The following CCDC102B variants were observed in gnomAD, a reference collection of about 807,000 sequenced individuals.
The protein encoded by CCDC102B is coiled-coil domain containing 102B.
In CCDC102B, 75 loss-of-function variants were observed where a neutral mutation model predicts 57.4. The ratio of observed to expected loss-of-function variants is 1.31; its 90% CI spans 1.08 to 1.58. CCDC102B has a LOEUF of 1.58. Among genes scored for constraint, CCDC102B ranks in the 40% most tolerant of loss-of-function variants. CCDC102B has a pLI of 0.00. For missense variants in CCDC102B, 636 were observed against 582.6 expected, an observed-to-expected ratio of 1.09 and a Z score of -0.94; for synonymous variants, 206 against 201.9, an observed-to-expected ratio of 1.02 and a Z score of -0.17.
chr18:69,002,556 G>T (rs1029271125), intron 6 of CCDC102B, among the ~76,000 whole-genome samples: 2 of 152,122 alleles, frequency 1.3e-5, no homozygotes, highest in Admixed American at 1.3e-4. Flanking sequence ...CAACCATGAA[G>T]TCACTCTAAC....
intron 4 of CCDC102B, among the ~76,000 whole-genome samples, chr18:68,858,361 G>A (rs2038579068): frequency 6.6e-6 from 1 of 152,076 alleles, no homozygotes; most frequent in South Asian, 2.1e-4. Flanking sequence ...TGATTGTAAT[G>A]TACATTTACA....
chr18:68,805,179 G>T (rs550356305), intron 1 of CCDC102B, among the ~76,000 whole-genome samples: 28 of 152,110 alleles, frequency 1.8e-4, no homozygotes, highest in Non-Finnish European at 1.3e-4. Flanking sequence ...AAAAACCCCC[G>T]CAATCTCAAC....
intron 2 of CCDC102B, among the ~76,000 whole-genome samples, chr18:68,728,461 C>T (rs1279484166): frequency 6.6e-6 from 1 of 152,166 alleles, no homozygotes; most frequent in Non-Finnish European, 1.5e-5. Flanking sequence ...GTTTTGTCCT[C>T]CTAGTTAAAT....
chr18:68,820,493 CATTAAGTCCTGGT>C (rs1415304749), intron 1 of CCDC102B, among the ~76,000 whole-genome samples: 1 of 152,016 alleles, frequency 6.6e-6, no homozygotes, highest in African/African-American at 2.4e-5. Context: ...AGAGATTTGC[CATTAAGTCCTGGT>C]AAGGTCTTGT....
rs138943300 is a variant in CCDC102B at position 68,737,670 on chromosome 18, A to T, written c.-67+21076A>T. Among the ~76,000 whole-genome samples the T allele has an allele frequency of 5.9e-3, 899 of 152,292 alleles. 11 individuals are homozygous for T. The highest frequency in any genetic ancestry group is 0.021 in the African/African-American group (856 of 41,546). ...CTAGTAACAAAAGACATCCTGGTAG[A>T]TCACCAGAGTGCAAGATATCTTCTG... On this transcript the variant is annotated intron_variant, in intron 2 of 3. Transcript: ENST00000578970.
chr18:68,862,341 A>T (rs192589774), intron 4 of CCDC102B, among the ~76,000 whole-genome samples: 1 of 152,278 alleles, frequency 6.6e-6, no homozygotes. Flanking sequence ...AAAATGTGTA[A>T]CCTTGGATTG....
At chr18:68,875,152 T>G (rs2039393431) in intron 5 of CCDC102B, among the ~76,000 whole-genome samples, 2 of 152,166 alleles carry the variant, frequency 1.3e-5, no homozygotes, top group Non-Finnish European at 2.9e-5. Flanking sequence ...TCTGGTGGAA[T>G]TAACATTGCT....
chr18:68,760,185 G>T (rs1158305196), intron 2 of CCDC102B, among the ~76,000 whole-genome samples: 2 of 152,034 alleles, frequency 1.3e-5, no homozygotes, highest in Non-Finnish European at 2.9e-5. Flanking sequence ...CTGTTTACAT[G>T]AATTACCTTC....
chr18:69,054,861 A>G lies in CCDC102B; in HGVS notation c.*724A>G. ...CATTGCAAAGTAGCATCTAGGTAGA[A>G]ATCAGGCCAAAATTAAGCTGTGGTT... On this transcript the variant is annotated 3_prime_UTR_variant, in exon 8 of 8. Transcript: ENST00000360242. The G allele has an allele frequency of 1.0e-6, 1 of 985,362 alleles. No homozygotes were observed. The highest frequency in any genetic ancestry group is 1.2e-6 in the Non-Finnish European group (1 of 829,904). 61.0% of individuals were successfully genotyped at this position (985,362 alleles called of 1,614,324 possible).
intron 6 of CCDC102B, among the ~76,000 whole-genome samples, chr18:68,917,599 C>T (rs189347959): frequency 1.8e-3 from 276 of 152,256 alleles, no homozygotes; most frequent in Non-Finnish European, 3.2e-3. Flanking sequence ...TTGTATTAAT[C>T]GCTGTGTCCA....
intron 2 of CCDC102B, among the ~76,000 whole-genome samples, chr18:68,749,600 T>A (rs1383921437): frequency 1.3e-5 from 2 of 152,210 alleles, no homozygotes; most frequent in East Asian, 3.9e-4. Flanking sequence ...TGTATAAGAA[T>A]GCTTGTGATT....
rs543441401 is a variant in CCDC102B, at chr18:69,031,426, T to A, written c.1434+20322T>A. ...GTATTATTCCTTGTGTTCTCCTTAC[T>A]TACAAGGCACCTTCCTGGAGACCTT... On this transcript the variant is annotated intron_variant, in intron 7 of 7. Transcript: ENST00000360242. Among the ~76,000 whole-genome samples, 11 of 151,960 alleles carry A rather than the reference T, an allele frequency of 7.2e-5. No individual in the cohort carries two copies. The South Asian group carries it at 2.3e-3, about 32-fold the overall frequency.
rs113986161 is a variant in CCDC102B, at chr18:68,732,348, TC to T, written c.-67+15755del. ...ATTTCTTGAAGGCCTTCTTTTTTTT[TC>T]TCTCTCTCTTTTTTGGGATGGAGTG... On this transcript the variant is annotated intron_variant, in intron 2 of 3. Transcript: ENST00000578970. Among the ~76,000 whole-genome samples the T allele has an allele frequency of 9.8e-3, 1,462 of 148,798 alleles. 6 individuals are homozygous for T. The highest frequency in any genetic ancestry group is 0.014 in the Middle Eastern group (4 of 286).
chr18:68,875,229 G>T (rs539228745), intron 5 of CCDC102B, among the ~76,000 whole-genome samples: 2 of 152,002 alleles, frequency 1.3e-5, no homozygotes, highest in Non-Finnish European at 2.9e-5. Context: ...CATTTCTTAG[G>T]TACACCAAGT....
intron 3 of CCDC102B, 135 bp downstream of exon 3, chr18:68,839,061 T>C: frequency 1.3e-6 from 1 of 741,944 alleles, no homozygotes; most frequent in Non-Finnish European, 2.3e-6. Flanking sequence ...TTAAAGAAAT[T>C]AGTTTGATAT....
intron 6 of CCDC102B, among the ~76,000 whole-genome samples, chr18:68,916,363 A>G (rs2041073431): frequency 6.6e-6 from 1 of 152,154 alleles, no homozygotes; most frequent in Non-Finnish European, 1.5e-5. Context: ...CTGTCCCATC[A>G]GCTCACTCCA....
chr18:69,010,458 T>A (rs2051483255), intron 6 of CCDC102B, among the ~76,000 whole-genome samples: 1 of 150,186 alleles, frequency 6.7e-6, no homozygotes, highest in Non-Finnish European at 1.5e-5. Context: ...TGCAGGTTTC[T>A]GAGCCTGGTT....
At chr18:68,882,690 G>A (rs190912519) in intron 5 of CCDC102B, among the ~76,000 whole-genome samples, 1 of 152,216 alleles carries the variant, frequency 6.6e-6, no homozygotes, top group East Asian at 1.9e-4. Flanking sequence ...ACAATAAAAG[G>A]ATTGCCACAT....
intron 6 of CCDC102B, among the ~76,000 whole-genome samples, chr18:68,994,641 C>T (rs1406062576): frequency 2.0e-5 from 3 of 152,074 alleles, no homozygotes; most frequent in Non-Finnish European, 2.9e-5. Flanking sequence ...ATAAAGGGTT[C>T]TTCCCCTTTC....
Sources: allele counts gnomAD v4.1 joint callset (sites outside exome capture counted in the v4.1 genomes callset), GRCh38; gene constraint gnomAD v4.1.1; transcripts MANE v1.5; gene names NCBI Gene and HGNC (gene_info 2026-07-23, HGNC 2026-07-21).